Variants in IL1RAPL2 observed in about 807,000 individuals in gnomAD.
IL1RAPL2 encodes the protein interleukin 1 receptor accessory protein like 2.
IL1RAPL2 carries 3 observed loss-of-function variants against 44.1 expected under a neutral mutation model. The observed-to-expected ratio is 0.07, with a 90% CI of 0.03 to 0.18. The LOEUF (loss-of-function observed/expected upper bound fraction) is 0.18, where lower values mean the gene tolerates loss of function less well. Among genes scored for constraint, IL1RAPL2 ranks in the 10% least tolerant of loss-of-function variants. The pLI is 1.00. For synonymous variants in IL1RAPL2, 181 were observed against 178.8 expected (o/e 1.01, Z -0.10); for missense variants, 391 against 496.4 (o/e 0.79, Z 2.02).
intron 5 of IL1RAPL2, among the ~76,000 whole-genome samples, chrX:105,363,289 A>AATATATATATATATATATAATATAT: frequency 1.3e-5 from 1 of 76,236 alleles, no homozygotes; most frequent in East Asian, 3.4e-4. Flanking sequence ...ATATATATAT[A>AATATATATATATATATATAATATAT]ATATATATAT....
At chrX:105,761,572 T>G (rs2147596587) in intron 10 of IL1RAPL2, among the ~76,000 whole-genome samples, 1 of 111,951 alleles carries the variant, frequency 8.9e-6, no homozygotes, top group South Asian at 3.8e-4. Context: ...GGCTTGATTT[T>G]AGGTCTTGAT....
At chrX:105,357,420 T>C (rs760113662) in intron 5 of IL1RAPL2, among the ~76,000 whole-genome samples, 7 of 111,947 alleles carry the variant, frequency 6.3e-5, no homozygotes, top group African/African-American at 2.3e-4. Context: ...TTATAGTAAA[T>C]TATTTTCAGT....
intron 1 of IL1RAPL2, among the ~76,000 whole-genome samples, chrX:104,636,367 A>G (rs1194439916): frequency 8.9e-6 from 1 of 112,143 alleles, no homozygotes. Flanking sequence ...CTCTCTTCAA[A>G]GCTGCCAGAC....
At chrX:104,752,010 A>G (rs1047472280) in intron 2 of IL1RAPL2, among the ~76,000 whole-genome samples, 1 of 111,139 alleles carries the variant, frequency 9.0e-6, no homozygotes, top group Admixed American at 9.6e-5. Flanking sequence ...AGTAATACAT[A>G]AGAAAGTTAC....
At chrX:104,700,032 G>T (rs191209899) in intron 2 of IL1RAPL2, among the ~76,000 whole-genome samples, 32 of 112,007 alleles carry the variant, frequency 2.9e-4, no homozygotes, top group Admixed American at 2.6e-3. Context: ...AAAGGAAAAC[G>T]CAGTCCCTGA....
chrX:105,729,872 G>GGAAA (rs1207476150), intron 7 of IL1RAPL2, among the ~76,000 whole-genome samples: 2 of 69,412 alleles, frequency 2.9e-5, no homozygotes, highest in Non-Finnish European at 5.4e-5. Context: ...AAGGAAGGAA[G>GGAAA]GAAAGAAGGA....
intron 6 of IL1RAPL2, among the ~76,000 whole-genome samples, chrX:105,552,255 C>A (rs1487894391): frequency 1.8e-5 from 2 of 111,700 alleles, no homozygotes; most frequent in African/African-American, 6.5e-5. Context: ...ATAGTAGATT[C>A]TAGTTTCTCT....
At chrX:105,071,822 A>G (rs1470747214) in intron 2 of IL1RAPL2, among the ~76,000 whole-genome samples, 2 of 112,255 alleles carry the variant, frequency 1.8e-5, no homozygotes, top group African/African-American at 6.5e-5. Context: ...ATCCACATGC[A>G]GAAGAGTGAA....
At chrX:105,366,052 A>G (rs943262738) in intron 5 of IL1RAPL2, among the ~76,000 whole-genome samples, 6 of 110,879 alleles carry the variant, frequency 5.4e-5, no homozygotes, top group Non-Finnish European at 1.1e-4. Context: ...GGTTCAAGCA[A>G]TCCGCCTGCC....
chrX:105,744,404 G>A (rs1040481397), intron 8 of IL1RAPL2, among the ~76,000 whole-genome samples: 5 of 111,425 alleles, frequency 4.5e-5, no homozygotes, highest in Non-Finnish European at 7.5e-5. Context: ...GTCAGAACAA[G>A]CTCTGGCTTG....
intron 2 of IL1RAPL2, among the ~76,000 whole-genome samples, chrX:104,969,923 C>CT (rs1324098942): frequency 1.8e-5 from 2 of 108,968 alleles, no homozygotes; most frequent in African/African-American, 6.7e-5. Context: ...TTTTTTTTTT[C>CT]TTTTTTTCCT....
intron 1 of IL1RAPL2, among the ~76,000 whole-genome samples, chrX:104,657,295 A>T (rs1930286335): frequency 9.0e-6 from 1 of 111,569 alleles, no homozygotes; most frequent in Non-Finnish European, 1.9e-5. Context: ...ATGGAACAGA[A>T]CAGAGGCCTC....
intron 6 of IL1RAPL2, among the ~76,000 whole-genome samples, chrX:105,682,802 A>T (rs192028498): frequency 0.01 from 1,143 of 112,357 alleles, 11 homozygotes; most frequent in African/African-American, 0.035. Flanking sequence ...TCTTTGTGCC[A>T]TTGCACAGGG....
intron 5 of IL1RAPL2, among the ~76,000 whole-genome samples, chrX:105,365,634 A>G (rs1569429582): frequency 9.0e-6 from 1 of 111,550 alleles, no homozygotes; most frequent in East Asian, 2.8e-4. Flanking sequence ...AGCAGGGTAC[A>G]TGATTCTAGG....
At chrX:105,022,084 G>A (rs1319701981) in intron 2 of IL1RAPL2, among the ~76,000 whole-genome samples, 1 of 110,481 alleles carries the variant, frequency 9.1e-6, no homozygotes, top group Non-Finnish European at 1.9e-5. Flanking sequence ...CATTTCCCAT[G>A]AGAAAAATTT....
At chrX:105,759,182 G>A (rs2038665694) in intron 10 of IL1RAPL2, among the ~76,000 whole-genome samples, 1 of 112,354 alleles carries the variant, frequency 8.9e-6, no homozygotes, top group Non-Finnish European at 1.9e-5. Flanking sequence ...CAGGCTGAGG[G>A]TCACTGGTCA....
chrX:104,949,944 G>T (rs1436177894), intron 2 of IL1RAPL2, among the ~76,000 whole-genome samples: 1 of 111,050 alleles, frequency 9.0e-6, no homozygotes, highest in Non-Finnish European at 1.9e-5. Flanking sequence ...TCTGCTTGGT[G>T]CAGAGCTGAG....
chrX:105,399,676 C>A (rs1210158829), intron 5 of IL1RAPL2, among the ~76,000 whole-genome samples: 10 of 111,373 alleles, frequency 9.0e-5, no homozygotes, highest in Non-Finnish European at 1.9e-4. Flanking sequence ...TTAAGGCCTT[C>A]ATTAATCTGA....
intron 5 of IL1RAPL2, chrX:105,405,705 T>A: frequency 1.0e-6 from 1 of 977,219 alleles, no homozygotes; most frequent in Non-Finnish European, 1.5e-6. Context: ...AGTAAGAGAC[T>A]TAAATGAATA....
Sources: gnomAD v4.1 joint callset for allele counts (sites outside exome capture counted in the v4.1 genomes callset) on GRCh38, gnomAD v4.1.1 for gene constraint, MANE v1.5 for transcripts, NCBI Gene and HGNC (gene_info 2026-07-23, HGNC 2026-07-21) for gene names.